Variants in CADPS2 observed in about 807,000 individuals in gnomAD.
CADPS2 encodes the protein calcium dependent secretion activator 2, also known as calcium-dependent secretion activator 2.
Under a neutral mutation model 172.5 loss-of-function variants are expected in CADPS2, and 93 were observed. The ratio of observed to expected loss-of-function variants is 0.54; its 90% CI spans 0.46 to 0.64. The LOEUF (loss-of-function observed/expected upper bound fraction) is 0.64. Among genes scored for constraint, CADPS2 ranks in the 30% least tolerant of loss-of-function variants. The pLI is 0.00. For missense variants in CADPS2, 1,420 were observed against 1,565.9 expected (o/e 0.91, Z 1.57); for synonymous variants, 546 against 555.2 (o/e 0.98, Z 0.23).
intron 20 of CADPS2, among the ~76,000 whole-genome samples, chr7:122,407,253 A>G (rs1364400953): frequency 6.6e-6 from 1 of 152,184 alleles, no homozygotes; most frequent in Non-Finnish European, 1.5e-5. Flanking sequence ...AGATTTTCAG[A>G]TTCATAAGGT....
At chr7:122,624,416 G>A (rs554176983) in intron 4 of CADPS2, among the ~76,000 whole-genome samples, 54 of 152,032 alleles carry the variant, frequency 3.6e-4, no homozygotes, top group African/African-American at 1.0e-3. Context: ...TTTCTTATGC[G>A]CTCTTAACCT....
intron 1 of CADPS2, among the ~76,000 whole-genome samples, chr7:122,753,966 A>C (rs564889772): frequency 9.2e-5 from 14 of 152,272 alleles, no homozygotes; most frequent in African/African-American, 3.4e-4. Context: ...ATTTTCCTCC[A>C]TAAACCTTCT....
chr7:122,522,756 T>C (rs2060911774), intron 8 of CADPS2, among the ~76,000 whole-genome samples: 1 of 137,304 alleles, frequency 7.3e-6, no homozygotes, highest in African/African-American at 2.7e-5. Context: ...CAGCCTCTGG[T>C]AATTATCATT....
chr7:122,355,322 T>C (rs1208414984), intron 27 of CADPS2, among the ~76,000 whole-genome samples: 2 of 152,212 alleles, frequency 1.3e-5, no homozygotes, highest in East Asian at 3.9e-4. Context: ...GGCATATGCC[T>C]GTAATCCCAG....
chr7:122,507,492 A>G (rs1179845690), intron 9 of CADPS2, among the ~76,000 whole-genome samples: 3 of 152,186 alleles, frequency 2.0e-5, no homozygotes, highest in Non-Finnish European at 4.4e-5. Flanking sequence ...ACTCTAATTA[A>G]TCTGAGGAAA....
At chr7:122,547,943 T>C (rs921338488) in intron 8 of CADPS2, among the ~76,000 whole-genome samples, 1 of 152,154 alleles carries the variant, frequency 6.6e-6, no homozygotes, top group African/African-American at 2.4e-5. Context: ...ACTGATTCTT[T>C]CCACAAAACA....
Position 122,445,153 on chromosome 7 carries a change from CGTTGTCCTTT to C in CADPS2, c.2289-3588_2289-3579del, listed in dbSNP as rs1317085438. Among the ~76,000 whole-genome samples the C allele has an allele frequency of 4.6e-5, 7 of 152,234 alleles. No individual in the cohort carries two copies. In the East Asian group the frequency reaches 1.4e-3, roughly 29 times the overall value. The stretch of plus-strand genomic sequence containing the variant: ...TTTGAAATCAGTGTTAATGTTCCCA[CGTTGTCCTTT>C]TTAAAAGTTATTTTTGCTATGGTAA... On this transcript the variant is annotated intron_variant, in intron 15 of 29. Transcript: ENST00000449022.
intron 5 of CADPS2, among the ~76,000 whole-genome samples, chr7:122,621,197 C>A (rs2075571087): frequency 6.6e-6 from 1 of 152,064 alleles, no homozygotes; most frequent in South Asian, 2.1e-4. Flanking sequence ...CCCCAATGCT[C>A]ATCTTATTTT....
intron 23 of CADPS2, 144 bp downstream of exon 23, chr7:122,388,439 C>T: frequency 1.2e-6 from 1 of 842,562 alleles, no homozygotes; most frequent in Non-Finnish European, 1.7e-6. Context: ...AGAATTTAAT[C>T]AAGATAACCT....
chr7:122,439,856 T>G (rs997889938), intron 16 of CADPS2, among the ~76,000 whole-genome samples: 1 of 152,130 alleles, frequency 6.6e-6, no homozygotes, highest in African/African-American at 2.4e-5. Context: ...ACTATTATAC[T>G]TCCCATGGCA....
chr7:122,491,943 C>T (rs770272479), intron 9 of CADPS2, among the ~76,000 whole-genome samples: 1 of 152,212 alleles, frequency 6.6e-6, no homozygotes, highest in African/African-American at 2.4e-5. Flanking sequence ...GATGCTGAGG[C>T]GGGCAGATCA....
chr7:122,657,537 T>C (rs1038862665), intron 3 of CADPS2, among the ~76,000 whole-genome samples: 2 of 152,164 alleles, frequency 1.3e-5, no homozygotes, highest in Non-Finnish European at 2.9e-5. Context: ...CCCTTGTAAG[T>C]TGGATTCCTA....
chr7:122,856,211 T>C (rs923251805), intron 1 of CADPS2, among the ~76,000 whole-genome samples: 1 of 152,204 alleles, frequency 6.6e-6, no homozygotes, highest in African/African-American at 2.4e-5. Flanking sequence ...CCCAGTGGTT[T>C]AAGTTACTAT....
chr7:122,672,183 TG>T (rs1033730264), intron 2 of CADPS2, among the ~76,000 whole-genome samples: 6 of 152,340 alleles, frequency 3.9e-5, no homozygotes, highest in South Asian at 4.1e-4. Context: ...CTAACAATGA[TG>T]GGTTTACTCT....
At chr7:122,685,047 T>C (rs561272617) in intron 2 of CADPS2, among the ~76,000 whole-genome samples, 20 of 152,248 alleles carry the variant, frequency 1.3e-4, no homozygotes, top group Non-Finnish European at 2.4e-4. Context: ...TACCTTGTAG[T>C]TGTTTATTTT....
At chr7:122,526,108 G>T (rs551336294) in intron 8 of CADPS2, among the ~76,000 whole-genome samples, 10 of 152,196 alleles carry the variant, frequency 6.6e-5, no homozygotes, top group African/African-American at 2.4e-4. Flanking sequence ...AATTCTTGAC[G>T]TGTTAGTTGG....
intron 9 of CADPS2, among the ~76,000 whole-genome samples, chr7:122,503,834 T>C (rs139842821): frequency 1.3e-5 from 2 of 152,238 alleles, no homozygotes; most frequent in East Asian, 1.9e-4. Flanking sequence ...AGCCATCTCA[T>C]AGAGTGAGAA....
intron 7 of CADPS2, among the ~76,000 whole-genome samples, chr7:122,557,058 CT>C (rs976564477): frequency 2.0e-5 from 3 of 152,096 alleles, no homozygotes; most frequent in African/African-American, 7.2e-5. Context: ...GACAGACTGA[CT>C]GATAAAGGTG....
chr7:122,863,954 C>A (rs879878988), intron 1 of CADPS2, among the ~76,000 whole-genome samples: 80 of 152,016 alleles, frequency 5.3e-4, no homozygotes, highest in African/African-American at 1.7e-3. Flanking sequence ...TGCTTGAACC[C>A]AGAAGGCAGA....
Sources: gnomAD v4.1 joint callset for allele counts (sites outside exome capture counted in the v4.1 genomes callset) on GRCh38, gnomAD v4.1.1 for gene constraint, MANE v1.5 for transcripts, NCBI Gene and HGNC (gene_info 2026-07-23, HGNC 2026-07-21) for gene names.